The following TRDN variants were observed in gnomAD, a reference collection of about 807,000 sequenced individuals.
The protein encoded by TRDN is triadin.
In TRDN, 161 loss-of-function variants were observed where a neutral mutation model predicts 149.7. The ratio of observed to expected loss-of-function variants is 1.08; its 90% CI spans 0.95 to 1.23. The LOEUF (loss-of-function observed/expected upper bound fraction) is 1.23, where lower values mean the gene tolerates loss of function less well. TRDN is among the 50% of genes most tolerant of loss of function. The probability of loss-of-function intolerance (pLI) is 0.00; values close to 1 mark genes in which losing one functional copy is unlikely to be tolerated. For synonymous variants in TRDN, 294 were observed against 250.5 expected (o/e 1.17, Z -1.64); for missense variants, 896 against 823.5 (o/e 1.09, Z -1.08).
At chr6:123,297,567 C>A (rs888033149) in intron 24 of TRDN, among the ~76,000 whole-genome samples, 3 of 151,946 alleles carry the variant, frequency 2.0e-5, no homozygotes, top group Non-Finnish European at 2.9e-5. Flanking sequence ...ATGTGCTAAG[C>A]ACTTCAGTCT....
chr6:123,412,675 G>A (rs1227902923), intron 12 of TRDN, among the ~76,000 whole-genome samples: 1 of 152,272 alleles, frequency 6.6e-6, no homozygotes, highest in East Asian at 1.9e-4. Context: ...TCAACAGACT[G>A]TAGGCTCAGC....
At chr6:123,483,070 TTA>T (rs1562339251) in intron 9 of TRDN, among the ~76,000 whole-genome samples, 392 of 17,280 alleles carry the variant, frequency 0.023, no homozygotes, top group Middle Eastern at 0.12. Context: ...TTCTCATTTA[TTA>T]TTATTATTAT....
intron 1 of TRDN, among the ~76,000 whole-genome samples, chr6:123,582,181 G>A (rs1022419298): frequency 3.3e-5 from 5 of 152,124 alleles, no homozygotes; most frequent in African/African-American, 1.2e-4. Context: ...GAAATGGGGG[G>A]CATTTCCACT....
chr6:123,507,643 T>C (rs115093068), intron 7 of TRDN, among the ~76,000 whole-genome samples: 272 of 152,216 alleles, frequency 1.8e-3, no homozygotes, highest in African/African-American at 6.4e-3. Flanking sequence ...ATAATTTAAG[T>C]GACGAAATTT....
At chr6:123,358,172 T>C (rs1017243963) in intron 20 of TRDN, among the ~76,000 whole-genome samples, 1 of 152,128 alleles carries the variant, frequency 6.6e-6, no homozygotes, top group Non-Finnish European at 1.5e-5. Flanking sequence ...TCTACTTTTG[T>C]AGAAGCGTAT....
chr6:123,444,658 T>C (rs1775192239), intron 10 of TRDN, among the ~76,000 whole-genome samples: 1 of 151,798 alleles, frequency 6.6e-6, no homozygotes, highest in Non-Finnish European at 1.5e-5. Flanking sequence ...GCTGTGGGTT[T>C]GTCATAGATA....
At chr6:123,244,555 A>G (rs1221181774) in intron 38 of TRDN, among the ~76,000 whole-genome samples, 7 of 152,188 alleles carry the variant, frequency 4.6e-5, no homozygotes, top group Non-Finnish European at 8.8e-5. Flanking sequence ...AAAAAAGAAT[A>G]AAGAAGAACG....
At chr6:123,443,365 C>A (rs1775060780) in intron 10 of TRDN, among the ~76,000 whole-genome samples, 2 of 151,414 alleles carry the variant, frequency 1.3e-5, no homozygotes, top group South Asian at 4.2e-4. Flanking sequence ...CAGGGTAAAC[C>A]TTTCTGAATG....
At chr6:123,414,383 C>T (rs1773565760) in intron 12 of TRDN, among the ~76,000 whole-genome samples, 1 of 152,086 alleles carries the variant, frequency 6.6e-6, no homozygotes, top group Admixed American at 6.5e-5. Context: ...GGAATTTTCA[C>T]ATTGCCATGA....
intron 5 of TRDN, chr6:123,529,397 A>T: frequency 1.3e-6 from 2 of 1,520,740 alleles, no homozygotes; most frequent in Admixed American, 3.9e-5. Context: ...GTGAGCTTCA[A>T]TGTTCTGATT....
chr6:123,456,710 C>G, intron 10 of TRDN: 1 of 434,410 alleles, frequency 2.3e-6, no homozygotes, highest in Non-Finnish European at 4.6e-6. Context: ...CTGAAGCGAT[C>G]CACCCACCTT....
chr6:123,282,293 C>G (rs1209969811), intron 24 of TRDN, among the ~76,000 whole-genome samples: 3 of 152,020 alleles, frequency 2.0e-5, no homozygotes, highest in South Asian at 2.1e-4. Context: ...GTTAACAATT[C>G]TAGCTCCACA....
chr6:123,217,112 T>A lies in TRDN; in HGVS notation c.*1489A>T, dbSNP rs1162371846. The stretch of plus-strand genomic sequence containing the variant: ...CCCATAAAGAGAGTCATTAATCTGG[T>A]TCATGTGACACTGGCTTTCGTGGTG... On this transcript the variant is annotated 3_prime_UTR_variant, in exon 41 of 41. Transcript: ENST00000334268. The A allele has an allele frequency of 2.6e-5, 4 of 151,946 alleles. No homozygotes were observed. The East Asian group carries it at 7.8e-4, about 30-fold the overall frequency. The allele number at this position is 151,946 out of a possible 1,614,324, so 9.4% of individuals were successfully genotyped here.
intron 9 of TRDN, 86 bp downstream of exon 9, chr6:123,497,106 TG>T: frequency 9.5e-7 from 1 of 1,051,714 alleles, no homozygotes; most frequent in East Asian, 3.0e-5. Flanking sequence ...TTTTAAAAAA[TG>T]AAAATACAGT....
chr6:123,260,610 A>G lies in TRDN; in HGVS notation c.1831+2T>C. 6.9e-7 allele frequency: 1 copy of G among 1,456,456 alleles called. No homozygotes were observed. Among genetic ancestry groups the G allele is most frequent in the Non-Finnish European group, 9.1e-7 (1 of 1,099,354 alleles). 90.2% of individuals were successfully genotyped at this position (1,456,456 alleles called of 1,614,324 possible). ...ATCTCCTCTGAAAAAGTAAATATTTACCTGATTCTGTGACTTCTGATGTTC... is the reference window on the plus strand; with the variant it reads ...ATCTCCTCTGAAAAAGTAAATATTTGCCTGATTCTGTGACTTCTGATGTTC... On this transcript the variant is annotated splice_donor_variant, in intron 34 of 40. Coordinates refer to ENST00000334268, the MANE Select transcript of TRDN (RefSeq NM_006073.4). LOFTEE classifies it high-confidence loss of function.
intron 26 of TRDN, among the ~76,000 whole-genome samples, chr6:123,275,295 A>G (rs950901457): frequency 6.6e-6 from 1 of 152,106 alleles, no homozygotes; most frequent in African/African-American, 2.4e-5. Flanking sequence ...CAATATGACT[A>G]TTGTCCTTAT....
At chr6:123,239,221 A>T (rs1775900688) in intron 38 of TRDN, among the ~76,000 whole-genome samples, 1 of 152,224 alleles carries the variant, frequency 6.6e-6, no homozygotes, top group Admixed American at 6.5e-5. Flanking sequence ...AGAAAGACAC[A>T]AAATTGATAT....
intron 24 of TRDN, among the ~76,000 whole-genome samples, chr6:123,299,816 A>G (rs1778338795): frequency 6.6e-6 from 1 of 152,054 alleles, no homozygotes; most frequent in African/African-American, 2.4e-5. Flanking sequence ...GCATAGTTGG[A>G]TGAGAGAATG....
At position 123,218,527 on chromosome 6, in the gene TRDN, T is replaced by C. The variant is rs1268530059; in HGVS notation, c.*74A>G. On this transcript the variant is annotated 3_prime_UTR_variant, in exon 41 of 41. Coordinates refer to ENST00000334268, the MANE Select transcript of TRDN (RefSeq NM_006073.4). ...AATTCTCTGGGTTGCATATTCTTAATTGCCTGAACTACTGTGGACAAAACA... is the reference window on the plus strand; with the variant it reads ...AATTCTCTGGGTTGCATATTCTTAACTGCCTGAACTACTGTGGACAAAACA... The C allele has an allele frequency of 1.3e-6, 2 of 1,505,180 alleles. No homozygotes were observed. Among genetic ancestry groups the C allele is most frequent in the East Asian group, 2.3e-5 (1 of 43,386 alleles). The allele number at this position is 1,505,180 out of a possible 1,614,324, so 93.2% of individuals were successfully genotyped here. A position where few individuals can be genotyped will look rare whatever the true frequency, so the allele number is the denominator to read the frequency against.
Sources: gnomAD v4.1 joint callset for allele counts (sites outside exome capture counted in the v4.1 genomes callset) on GRCh38, gnomAD v4.1.1 for gene constraint, MANE v1.5 for transcripts, NCBI Gene and HGNC (gene_info 2026-07-23, HGNC 2026-07-21) for gene names.